Variants in CFAP69 observed in about 807,000 individuals in gnomAD.
The protein encoded by CFAP69 is cilia and flagella associated protein 69.
CFAP69 carries 92 observed loss-of-function variants against 123.0 expected under a neutral mutation model. The ratio of observed to expected loss-of-function variants is 0.75; its 90% CI spans 0.63 to 0.89. The LOEUF (loss-of-function observed/expected upper bound fraction) is 0.89. CFAP69 is among the 40% of genes least tolerant of loss of function. The pLI, the probability that CFAP69 is intolerant of heterozygous loss-of-function variation, is 0.00. For missense variants in CFAP69, 1,067 were observed against 1,096.9 expected, an observed-to-expected ratio of 0.97 and a Z score of 0.39; for synonymous variants, 380 against 364.3, an observed-to-expected ratio of 1.04 and a Z score of -0.49.
At chr7:90,306,533 A>T (rs1485787126) in intron 19 of CFAP69, among the ~76,000 whole-genome samples, 1 of 152,058 alleles carries the variant, frequency 6.6e-6, no homozygotes, top group East Asian at 1.9e-4. Flanking sequence ...AGCCTTCAAT[A>T]TAGGGCTTTA....
At chr7:90,249,027 TTTATTAAA>T (rs1312790742) in intron 1 of CFAP69, among the ~76,000 whole-genome samples, 1 of 152,214 alleles carries the variant, frequency 6.6e-6, no homozygotes, top group Non-Finnish European at 1.5e-5. Context: ...TCATAACAGC[TTTATTAAA>T]TTATTAAATA....
intron 17 of CFAP69, chr7:90,302,966 ATTTG>A (rs1344947245): frequency 6.6e-6 from 1 of 152,008 alleles, no homozygotes; most frequent in Admixed American, 6.6e-5. Flanking sequence ...ATGTTTTTCC[ATTTG>A]TTTGTGTCAT....
At chr7:90,285,466 C>T (rs1790132105) in intron 13 of CFAP69, among the ~76,000 whole-genome samples, 1 of 152,082 alleles carries the variant, frequency 6.6e-6, no homozygotes, top group Non-Finnish European at 1.5e-5. Flanking sequence ...AAAAGTGTAT[C>T]ATGAATATCA....
chr7:90,303,830 A>G, intron 17 of CFAP69, 139 bp from the exon 18 acceptor site: 1 of 1,235,656 alleles, frequency 8.1e-7, no homozygotes, highest in Non-Finnish European at 1.0e-6. Context: ...CAAAAGTGTA[A>G]CCGTGTAATA....
chr7:90,297,655 A>G (rs938432957), intron 15 of CFAP69, 94 bp from the exon 16 acceptor site: 2 of 764,872 alleles, frequency 2.6e-6, no homozygotes, highest in Non-Finnish European at 2.1e-6. Context: ...TGAAGAAAAC[A>G]TATTCTTTGA....
intron 19 of CFAP69, among the ~76,000 whole-genome samples, chr7:90,305,549 C>A (rs1052658967): frequency 6.6e-6 from 1 of 151,200 alleles, no homozygotes; most frequent in Middle Eastern, 3.2e-3. Flanking sequence ...CCCGCCACCA[C>A]GCCCAGCTAA....
chr7:90,278,832 G>A (rs977945346), intron 11 of CFAP69, among the ~76,000 whole-genome samples: 2 of 152,082 alleles, frequency 1.3e-5, no homozygotes, highest in Non-Finnish European at 2.9e-5. Context: ...AAGAATGTTA[G>A]AACTAGTAGT....
chr7:90,263,428 G>A (rs1440641879), intron 4 of CFAP69, among the ~76,000 whole-genome samples: 1 of 152,074 alleles, frequency 6.6e-6, no homozygotes, highest in Admixed American at 6.6e-5. Flanking sequence ...TTTTCTCATG[G>A]CATTAGAAGT....
chr7:90,279,614 T>C (rs1168549954), intron 11 of CFAP69, 63 bp from the exon 12 acceptor site: 6 of 972,574 alleles, frequency 6.2e-6, no homozygotes, highest in African/African-American at 1.7e-5. Flanking sequence ...AAATTTTTAT[T>C]TAATTGCCTT....
Position 90,258,182 on chromosome 7 carries a change from T to A in CFAP69, c.246+19T>A. The A allele has an allele frequency of 6.8e-7, 1 of 1,473,152 alleles. No individual in the cohort carries two copies. The highest frequency in any genetic ancestry group is 9.3e-7 in the Non-Finnish European group (1 of 1,069,638). 91.3% of individuals were successfully genotyped at this position (1,473,152 alleles called of 1,614,324 possible). ...TGGACTTGTATCCTTTACATATATATGTATGTTCATTTCATTTATTCTGAA... is the reference window on the plus strand; with the variant it reads ...TGGACTTGTATCCTTTACATATATAAGTATGTTCATTTCATTTATTCTGAA... On this transcript the variant is annotated intron_variant, in intron 3 of 22. Coordinates refer to ENST00000389297, the MANE Select transcript of CFAP69 (RefSeq NM_001039706.3).
chr7:90,322,532 A>G, the CFAP69 span: 2 of 152,216 alleles, frequency 1.3e-5, no homozygotes. Context: ...AACCCCTTCC[A>G]TCTTTGGGTT....
At chr7:90,309,965 T>C (rs1386682498) in intron 22 of CFAP69, 103 bp from the exon 23 acceptor site, 3 of 916,322 alleles carry the variant, frequency 3.3e-6, no homozygotes, top group African/African-American at 3.3e-5. Context: ...AGTTATTCAT[T>C]ACATTTGTGT....
intron 6 of CFAP69, among the ~76,000 whole-genome samples, chr7:90,270,600 G>A (rs1373473587): frequency 6.6e-6 from 1 of 152,040 alleles, no homozygotes; most frequent in Non-Finnish European, 1.5e-5. Context: ...GCATTGGACA[G>A]GGCCTTGTCC....
rs753376663 is a variant in CFAP69, at chr7:90,306,962, C to T, written c.2327C>T (p.Thr776Ile). The change falls in exon 20 of 23, where the codon ACT (threonine) becomes ATT (isoleucine). Residue 776 changes from threonine (T) to isoleucine (I), a missense_variant. Physicochemically the swap from Thr to Ile is moderately conservative, Grantham distance 89. Transcript: ENST00000389297. ...EIKLEKLRPV[T>I]TDKKALEAIT... ...AAATTAGAAAAATTAAGACCAGTCA[C>T]TACAGATAAAAAAGCTTTGGAAGCT... 1.4e-5 allele frequency: 23 copies of T among 1,589,160 alleles called. No individual in the cohort carries two copies. The Middle Eastern group carries it at 5.1e-4, about 35-fold the overall frequency.
At chr7:90,262,320 G>C (rs1167268032) in intron 4 of CFAP69, among the ~76,000 whole-genome samples, 1 of 152,126 alleles carries the variant, frequency 6.6e-6, no homozygotes. Context: ...CTAAATATTA[G>C]ATGTAACCAA....
rs1793196716 is a variant in CFAP69 at position 90,304,042 on chromosome 7, T to C, written c.2124T>C (p.Ser708=). 6.4e-7 allele frequency: 1 copy of C among 1,551,272 alleles called. No homozygotes were observed. Residue 708 remains serine, a synonymous_variant, in exon 18 of 23, where the codon TCT becomes TCC. Transcript: ENST00000389297. ...KIIPLPANCP[S]IAVMDVSENI... The stretch of plus-strand genomic sequence containing the variant: ...TCCCACTGCCTGCTAACTGCCCATC[T>C]ATTGCGGTTATGGATGTTTCTGAGA...
At chr7:90,255,819 C>T (rs1355519951) in intron 2 of CFAP69, among the ~76,000 whole-genome samples, 1 of 152,102 alleles carries the variant, frequency 6.6e-6, no homozygotes, top group African/African-American at 2.4e-5. Flanking sequence ...TGGTAGAAAA[C>T]AGGGTACCGT....
chr7:90,318,626 T>C, the CFAP69 span: 1 of 152,110 alleles, frequency 6.6e-6, no homozygotes, highest in Non-Finnish European at 1.5e-5. Flanking sequence ...AAAAAATATA[T>C]CACATTTGCC....
At chr7:90,265,465 A>G in intron 5 of CFAP69, 88 bp downstream of exon 5, 2 of 826,054 alleles carry the variant, frequency 2.4e-6, no homozygotes, top group South Asian at 1.6e-5. Context: ...AAGTTTCACT[A>G]AGAGGACTCC....
Sources: allele counts gnomAD v4.1 joint callset (sites outside exome capture counted in the v4.1 genomes callset), GRCh38; gene constraint gnomAD v4.1.1; transcripts MANE v1.5; gene names NCBI Gene and HGNC (gene_info 2026-07-23, HGNC 2026-07-21).